PLBD1: variants seen among roughly 807,000 people sequenced by gnomAD.
PLBD1 encodes the protein lysosomal leucine aminopeptidase.
Under a neutral mutation model 63.0 loss-of-function variants are expected in PLBD1, and 60 were observed. That is an observed-to-expected ratio of 0.95 (90% CI 0.77 to 1.18). The LOEUF (loss-of-function observed/expected upper bound fraction) is 1.18. Among genes scored for constraint, PLBD1 ranks in the 50% most tolerant of loss-of-function variants. The pLI is 0.00. For synonymous variants in PLBD1, 262 were observed against 248.0 expected (o/e 1.06, Z -0.53); for missense variants, 598 against 677.9 (o/e 0.88, Z 1.31).
In PLBD1 at chr12:14,503,972, G is replaced by C; in HGVS notation, c.1480-18C>G. On this transcript the variant is annotated intron_variant, in intron 10 of 10. Coordinates refer to ENST00000240617, the MANE Select transcript of PLBD1 (RefSeq NM_024829.6). ...TCTGCCACCTGGAAAGAGGGAGGAGGAGGACATTTTAGAAAATCATCGTTC... is the reference window on the plus strand; with the variant it reads ...TCTGCCACCTGGAAAGAGGGAGGAGCAGGACATTTTAGAAAATCATCGTTC... 6.3e-7 allele frequency: 1 copy of C among 1,583,058 alleles called. No individual in the cohort carries two copies. Among genetic ancestry groups the C allele is most frequent in the Admixed American group, 1.8e-5 (1 of 56,208 alleles).
At chr12:14,536,766 GT>G in intron 4 of PLBD1, 56 bp from the exon 5 acceptor site, 2 of 1,594,872 alleles carry the variant, frequency 1.3e-6, no homozygotes, top group South Asian at 1.1e-5. Flanking sequence ...ATCATTTCCT[GT>G]TTTCCTCTTG....
At chr12:14,511,064 A>G (rs1242500894) in intron 8 of PLBD1, among the ~76,000 whole-genome samples, 196 bp downstream of exon 8, 1 of 152,174 alleles carries the variant, frequency 6.6e-6, no homozygotes, top group Admixed American at 6.5e-5. Context: ...CAATCTGCAC[A>G]TTGTCCTATA....
chr12:14,562,975 T>C (rs1174687990), intron 1 of PLBD1, among the ~76,000 whole-genome samples: 1 of 152,190 alleles, frequency 6.6e-6, no homozygotes, highest in Non-Finnish European at 1.5e-5. Context: ...TCTTAGCATA[T>C]ATATTATAAA....
intron 4 of PLBD1, 126 bp downstream of exon 4, chr12:14,540,638 T>A: frequency 9.3e-7 from 1 of 1,077,340 alleles, no homozygotes. Flanking sequence ...GACAGTTCTT[T>A]TCCGTAAGGA....
chr12:14,543,920 AT>A (rs548555985), intron 2 of PLBD1, among the ~76,000 whole-genome samples: 26 of 151,998 alleles, frequency 1.7e-4, no homozygotes, highest in Non-Finnish European at 3.7e-4. Flanking sequence ...ACATATTCTT[AT>A]TTTGCCCCTA....
Position 14,536,964 on chromosome 12 carries a change from C to T in PLBD1, c.559-254G>A, listed in dbSNP as rs527743735. Among the ~76,000 whole-genome samples, 4 of 151,872 alleles carry T rather than the reference C, an allele frequency of 2.6e-5. No individual in the cohort carries two copies. The South Asian group carries it at 8.3e-4, about 32-fold the overall frequency. Reference sequence around the variant, plus strand: ...ATTAGTTGGGCGTGGTGGCGGGCGCCTGTAGTCCCAGCTACTCAGGAGGCT... The same window carrying T: ...ATTAGTTGGGCGTGGTGGCGGGCGCTTGTAGTCCCAGCTACTCAGGAGGCT... On this transcript the variant is annotated intron_variant, in intron 4 of 10. Coordinates refer to ENST00000240617, the MANE Select transcript of PLBD1 (RefSeq NM_024829.6).
chr12:14,508,881 T>C (rs141288001), intron 8 of PLBD1, among the ~76,000 whole-genome samples: 5 of 152,278 alleles, frequency 3.3e-5, no homozygotes, highest in Non-Finnish European at 7.4e-5. Flanking sequence ...GAGAGGTCAA[T>C]TGTCTTCCTT....
chr12:14,531,794 G>A (rs1435702875), intron 6 of PLBD1, among the ~76,000 whole-genome samples: 8 of 152,120 alleles, frequency 5.3e-5, no homozygotes, highest in Middle Eastern at 3.4e-3. Context: ...CCAACACTCG[G>A]CTGATTTTTT....
At chr12:14,524,864 G>T (rs1385115222) in intron 6 of PLBD1, among the ~76,000 whole-genome samples, 1 of 152,088 alleles carries the variant, frequency 6.6e-6, no homozygotes, top group African/African-American at 2.4e-5. Context: ...ATTAAAGAAA[G>T]AACAAAATTG....
chr12:14,541,013 A>C, intron 3 of PLBD1, 111 bp from the exon 4 acceptor site: 1 of 1,182,802 alleles, frequency 8.5e-7, no homozygotes, highest in Admixed American at 2.4e-5. Context: ...AATGTGATTT[A>C]AATTCTAGAT....
At position 14,535,694 on chromosome 12, in the gene PLBD1, G is replaced by T; in HGVS notation, c.809C>A (p.Thr270Asn). ...HWDFNVIDKDTSSSRLSFSSY... is the reference protein window; with the variant it reads ...HWDFNVIDKDNSSSRLSFSSY... ...GCTGAAAGAGAGGCGACTACTGCTG[G>T]TATCTTTATCTATGACGTTGAAGTC... is the stretch of plus-strand genomic sequence containing the variant. Residue 270 changes from threonine to asparagine, a missense_variant, in exon 6 of 11, where the codon ACC (threonine) becomes AAC (asparagine). By Grantham distance (65) the Thr-to-Asn change is moderately conservative. Transcript: ENST00000240617. 6.2e-7 allele frequency: 1 copy of T among 1,614,008 alleles called. No homozygotes were observed. The highest frequency in any genetic ancestry group is 8.5e-7 in the Non-Finnish European group (1 of 1,179,908).
intron 6 of PLBD1, among the ~76,000 whole-genome samples, chr12:14,526,011 T>A (rs1565573866): frequency 9.9e-6 from 1 of 100,998 alleles, no homozygotes; most frequent in Non-Finnish European, 2.2e-5. Flanking sequence ...AGCCAACTTA[T>A]TAAAATATAG....
intron 1 of PLBD1, 141 bp downstream of exon 1, chr12:14,567,441 C>T (rs898862833): frequency 2.5e-6 from 3 of 1,220,088 alleles, no homozygotes; most frequent in Admixed American, 4.0e-5. Flanking sequence ...GCGAGACCGC[C>T]GGCCGGAGGC....
chr12:14,514,467 T>C (rs1464616827), intron 6 of PLBD1, among the ~76,000 whole-genome samples: 5 of 152,204 alleles, frequency 3.3e-5, no homozygotes. Context: ...GTGTAGGTGA[T>C]TGAATATTAC....
At chr12:14,557,549 C>G (rs1463569412) in intron 1 of PLBD1, among the ~76,000 whole-genome samples, 1 of 152,100 alleles carries the variant, frequency 6.6e-6, no homozygotes, top group Non-Finnish European at 1.5e-5. Context: ...CCTGAGCAAA[C>G]TAACGTAGGA....
chr12:14,567,873 C>A lies in PLBD1; in HGVS notation c.-177G>T, dbSNP rs1168679038. 2.3e-6 allele frequency: 2 copies of A among 880,944 alleles called. No individual in the cohort carries two copies. Among genetic ancestry groups the A allele is most frequent in the Admixed American group, 4.3e-5 (1 of 23,436 alleles). The allele number at this position is 880,944 out of a possible 1,614,324, so 54.6% of individuals were successfully genotyped here. A position where few individuals can be genotyped will look rare whatever the true frequency, so the allele number is the denominator to read the frequency against. ...CTCCGGGCTCTGAGGGGCGAGGACG[C>A]TTCACGTGGTGGCCTGGGGCCCACC... On this transcript the variant is annotated 5_prime_UTR_variant, in exon 1 of 11. Transcript: ENST00000240617.
At chr12:14,534,288 G>C (rs1284308371) in intron 6 of PLBD1, among the ~76,000 whole-genome samples, 2 of 152,218 alleles carry the variant, frequency 1.3e-5, no homozygotes, top group Non-Finnish European at 2.9e-5. Context: ...GTATCCAGTT[G>C]AACCCTTAGA....
At chr12:14,510,676 G>A (rs935365909) in intron 8 of PLBD1, among the ~76,000 whole-genome samples, 4 of 152,202 alleles carry the variant, frequency 2.6e-5, no homozygotes, top group African/African-American at 9.7e-5. Flanking sequence ...AAGGAACTGA[G>A]ATTTGAATCA....
At chr12:14,504,378 A>AT (rs1201285861) in intron 10 of PLBD1, among the ~76,000 whole-genome samples, 5 of 152,028 alleles carry the variant, frequency 3.3e-5, no homozygotes, top group Non-Finnish European at 7.4e-5. Context: ...TTTTCTTGCC[A>AT]TTTTTCACAT....
Sources: gnomAD v4.1 joint callset for allele counts (sites outside exome capture counted in the v4.1 genomes callset) on GRCh38, gnomAD v4.1.1 for gene constraint, MANE v1.5 for transcripts, NCBI Gene and HGNC (gene_info 2026-07-23, HGNC 2026-07-21) for gene names.